Variants in NTRK3 observed in about 807,000 individuals in gnomAD.
The protein encoded by NTRK3 is NT-3 growth factor receptor.
A neutral mutation model predicts 91.7 loss-of-function variants in NTRK3; 24 were observed. The ratio of observed to expected loss-of-function variants is 0.26; its 90% confidence interval spans 0.19 to 0.37. The LOEUF (loss-of-function observed/expected upper bound fraction) is 0.37, where lower values mean the gene tolerates loss of function less well. Among genes scored for constraint, NTRK3 ranks in the 10% least tolerant of loss-of-function variants. The pLI, the probability that NTRK3 is intolerant of heterozygous loss-of-function variation, is 1.00. For synonymous variants in NTRK3, 483 were observed against 404.0 expected (o/e 1.20, Z -2.34); for missense variants, 880 against 1,068.9 (o/e 0.82, Z 2.46).
At chr15:88,090,432 C>T (rs1403877540) in intron 13 of NTRK3, among the ~76,000 whole-genome samples, 3 of 147,516 alleles carry the variant, frequency 2.0e-5, no homozygotes, top group South Asian at 2.1e-4. Flanking sequence ...GAAAGGACAG[C>T]GTGCCCTAGG....
intron 14 of NTRK3, among the ~76,000 whole-genome samples, chr15:87,994,950 G>C (rs918535824): frequency 6.6e-6 from 1 of 152,042 alleles, no homozygotes; most frequent in Non-Finnish European, 1.5e-5. Flanking sequence ...ACAGATGTTG[G>C]GTCAATAGAT....
At chr15:88,135,781 C>A in intron 9 of NTRK3, 118 bp downstream of exon 9, 1 of 1,370,420 alleles carries the variant, frequency 7.3e-7, no homozygotes. Flanking sequence ...CCTTCTGTCC[C>A]TACTGGTAGA....
chr15:88,177,227 C>A (rs191033340), intron 5 of NTRK3, among the ~76,000 whole-genome samples: 5 of 152,118 alleles, frequency 3.3e-5, no homozygotes, highest in Non-Finnish European at 5.9e-5. Context: ...TTGTAAGTAA[C>A]GCAAGAAGTA....
intron 13 of NTRK3, among the ~76,000 whole-genome samples, chr15:88,116,752 T>TGTTCAAGTTTGAGAAGTACC (rs1272599849): frequency 6.6e-6 from 1 of 152,232 alleles, no homozygotes; most frequent in Non-Finnish European, 1.5e-5. Context: ...TTCACTTGCA[T>TGTTCAAGTTTGAGAAGTACC]GTTCAAGTTT....
At chr15:88,139,935 T>TGGGGGGGGGGGGGGGGGGGGGGGGG (rs1250512649) in intron 6 of NTRK3, among the ~76,000 whole-genome samples, 1 of 21,138 alleles carries the variant, frequency 4.7e-5, no homozygotes, top group Admixed American at 5.7e-4. Flanking sequence ...GGGGGGAGTG[T>TGGGGGGGGGGGGGGGGGGGGGGGGG]GGGGGGTGGG....
At chr15:87,864,982 C>G (rs540503634) in exon 19 of NTRK3, 2 of 213,678 alleles carry the variant, frequency 9.4e-6, no homozygotes, top group Non-Finnish European at 1.9e-5. Context: ...AACAGTAGTC[C>G]GAAACAGAGG....
rs1453197577 is a variant in NTRK3 at position 88,243,582 on chromosome 15, C to T, written c.248+12324G>A. On this transcript the variant is annotated intron_variant, in intron 3 of 18. Transcript: ENST00000394480. The surrounding 1 kb of genome is among the most constrained non-coding windows in gnomAD (Gnocchi z 4.8). ...CACACACACACACACACACACTGAGCAAAAGGTATTCAATCATGTCTGACA... is the reference window on the plus strand; with the variant it reads ...CACACACACACACACACACACTGAGTAAAAGGTATTCAATCATGTCTGACA... Among the ~76,000 whole-genome samples, 1 of 144,212 alleles carries T rather than the reference C, an allele frequency of 6.9e-6. No individual in the cohort carries two copies. The highest frequency in any genetic ancestry group is 1.5e-5 in the Non-Finnish European group (1 of 67,468). 94.6% of individuals were successfully genotyped at this position (144,212 alleles called of 152,430 possible). A position where few individuals can be genotyped will look rare whatever the true frequency, so the allele number is the denominator to read the frequency against.
intron 3 of NTRK3, among the ~76,000 whole-genome samples, chr15:88,219,664 C>A (rs1176257946): frequency 6.6e-6 from 1 of 152,250 alleles, no homozygotes; most frequent in Non-Finnish European, 1.5e-5. Flanking sequence ...CTGGTGGGAA[C>A]TGAAGCTCCT....
At chr15:87,872,392 C>T (rs1179665975) in exon 19 of NTRK3, 1 of 225,660 alleles carries the variant, frequency 4.4e-6, no homozygotes, top group South Asian at 1.8e-4. Context: ...TAGTCTGCAA[C>T]TTAAGACGCT....
intron 14 of NTRK3, among the ~76,000 whole-genome samples, chr15:87,941,369 G>T (rs973801550): frequency 6.6e-6 from 1 of 152,146 alleles, no homozygotes; most frequent in Non-Finnish European, 1.5e-5. Flanking sequence ...CTGAATTCTT[G>T]TGAAGATTAA....
chr15:88,163,471 A>G (rs1239005385), intron 5 of NTRK3, among the ~76,000 whole-genome samples: 1 of 152,156 alleles, frequency 6.6e-6, no homozygotes, highest in Non-Finnish European at 1.5e-5. Context: ...CTCCCAGAGC[A>G]TTTCATCCAT....
chr15:87,876,819 G>C, exon 19 of NTRK3: 1 of 1,238,200 alleles, frequency 8.1e-7, no homozygotes, highest in Non-Finnish European at 1.2e-6. Flanking sequence ...AGGCACTTGA[G>C]TTTATATGAA....
chr15:88,064,043 G>T (rs370220216), intron 13 of NTRK3, among the ~76,000 whole-genome samples: 1 of 152,118 alleles, frequency 6.6e-6, no homozygotes, highest in South Asian at 2.1e-4. Context: ...AGGCCCTAAA[G>T]CCAACAACAG....
exon 19 of NTRK3, chr15:87,876,708 GATATATAAATAT>G (rs2064961395): frequency 9.0e-6 from 2 of 222,230 alleles, no homozygotes; most frequent in East Asian, 1.4e-4. Context: ...TAGATAGTTA[GATATATAAATAT>G]ATATATATAT....
chr15:88,064,438 T>C (rs2046473449), intron 13 of NTRK3, among the ~76,000 whole-genome samples: 1 of 152,202 alleles, frequency 6.6e-6, no homozygotes, highest in South Asian at 2.1e-4. Flanking sequence ...AACCTCCACA[T>C]TCTCTACTGT....
intron 13 of NTRK3, among the ~76,000 whole-genome samples, chr15:88,086,063 T>TG (rs2048468782): frequency 1.3e-5 from 2 of 152,242 alleles, no homozygotes; most frequent in South Asian, 4.1e-4. Flanking sequence ...ACAAAGCTGA[T>TG]GAAGACTTCA....
At chr15:87,878,700 G>A (rs533751442) in intron 18 of NTRK3, among the ~76,000 whole-genome samples, 1 of 152,336 alleles carries the variant, frequency 6.6e-6, no homozygotes, top group East Asian at 1.9e-4. Flanking sequence ...GGTGGAGTGG[G>A]GGAAGTGGCT....
chr15:87,910,633 T>A (rs2067035170), intron 17 of NTRK3, among the ~76,000 whole-genome samples: 1 of 152,156 alleles, frequency 6.6e-6, no homozygotes, highest in African/African-American at 2.4e-5. Context: ...TATAACCATG[T>A]GAGTGCATGA....
chr15:88,126,212 G>T, intron 13 of NTRK3, 59 bp downstream of exon 13: 6 of 1,253,936 alleles, frequency 4.8e-6, no homozygotes, highest in South Asian at 2.4e-5. Flanking sequence ...AGTATCTTTT[G>T]ATCAAAAGCA....
Sources: gnomAD v4.1 joint callset for allele counts (sites outside exome capture counted in the v4.1 genomes callset) on GRCh38, gnomAD v4.1.1 for gene constraint, Gnocchi (gnomAD v3.1) non-coding constraint, MANE v1.5 for transcripts, NCBI Gene and HGNC (gene_info 2026-07-23, HGNC 2026-07-21) for gene names.